AXDND1: variants seen among roughly 807,000 people sequenced by gnomAD.
AXDND1 encodes the protein axonemal dynein light chain domain-containing protein 1.
Under a neutral mutation model 137.5 loss-of-function variants are expected in AXDND1, and 110 were observed. The observed-to-expected ratio is 0.80, with a 90% CI of 0.69 to 0.94. AXDND1 has a LOEUF of 0.94. Among genes scored for constraint, AXDND1 ranks in the 40% least tolerant of loss-of-function variants. The probability of loss-of-function intolerance (pLI) is 0.00; values close to 1 mark genes in which losing one functional copy is unlikely to be tolerated. For missense variants in AXDND1, 1,191 were observed against 1,169.8 expected, an observed-to-expected ratio of 1.02 and a Z score of -0.26; for synonymous variants, 414 against 399.7, an observed-to-expected ratio of 1.04 and a Z score of -0.43.
At chr1:179,487,919 C>T (rs1483018022) in intron 18 of AXDND1, among the ~76,000 whole-genome samples, 2 of 141,970 alleles carry the variant, frequency 1.4e-5, no homozygotes, top group African/African-American at 2.8e-5. Flanking sequence ...TCTCTTGTGC[C>T]TGGGAGGTCA....
At chr1:179,389,103 A>G (rs1308906525) in intron 9 of AXDND1, among the ~76,000 whole-genome samples, 1 of 149,748 alleles carries the variant, frequency 6.7e-6, no homozygotes, top group Non-Finnish European at 1.5e-5. Flanking sequence ...CCTCCTGAGT[A>G]GCTGGGATTA....
intron 17 of AXDND1, among the ~76,000 whole-genome samples, chr1:179,477,492 AG>A (rs1664782624): frequency 1.3e-5 from 2 of 152,166 alleles, no homozygotes; most frequent in Admixed American, 1.3e-4. Flanking sequence ...GCCAAGTGAA[AG>A]GGATTTCCCC....
Position 179,509,291 on chromosome 1 carries a change from C to G in AXDND1, c.2389-5C>G. ...TTCTGCTTGTAATCTTTTATCTCTTCTCAGAAAGAATGTTATGAATGGATC... is the reference window on the plus strand; with the variant it reads ...TTCTGCTTGTAATCTTTTATCTCTTGTCAGAAAGAATGTTATGAATGGATC... On this transcript the variant is annotated splice_region_variant and splice_polypyrimidine_tract_variant and intron_variant, in intron 20 of 25. Coordinates refer to ENST00000367618, the MANE Select transcript of AXDND1 (RefSeq NM_144696.6). 6.3e-7 allele frequency: 1 copy of G among 1,589,054 alleles called. No individual in the cohort carries two copies. The highest frequency in any genetic ancestry group is 8.6e-7 in the Non-Finnish European group (1 of 1,162,434).
intron 21 of AXDND1, among the ~76,000 whole-genome samples, chr1:179,516,791 G>A (rs1669578715): frequency 6.6e-6 from 1 of 152,234 alleles, no homozygotes; most frequent in East Asian, 1.9e-4. Flanking sequence ...TCTGCACAGA[G>A]TCCTGTGATG....
intron 25 of AXDND1, among the ~76,000 whole-genome samples, chr1:179,536,161 A>C (rs1015965288): frequency 6.6e-6 from 1 of 151,864 alleles, no homozygotes; most frequent in Admixed American, 6.6e-5. Flanking sequence ...ATTTTCTCCC[A>C]ATCTGTTTAG....
In AXDND1 at chr1:179,528,366, T is replaced by G; in HGVS notation, c.2650T>G (p.Phe884Val). The change falls in exon 23 of 26, where the codon TTC (phenylalanine) becomes GTC (valine). Residue 884 changes from phenylalanine to valine, a missense_variant. Transcript: ENST00000367618. ...TACAGAGAAGGAAAAACTCATTCGA[T>G]TCATTGGAGAAGATGAAAATGTTCA... is the stretch of plus-strand genomic sequence containing the variant. The part of the protein sequence containing the change: ...TSTEKEKLIR[F>V]IGEDENVHSK... The G allele has an allele frequency of 6.2e-7, 1 of 1,613,998 alleles. No homozygotes were observed. The highest frequency in any genetic ancestry group is 8.5e-7 in the Non-Finnish European group (1 of 1,179,892).
intron 4 of AXDND1, among the ~76,000 whole-genome samples, chr1:179,376,423 A>G (rs1647277169): frequency 6.6e-6 from 1 of 152,158 alleles, no homozygotes; most frequent in African/African-American, 2.4e-5. Context: ...CGTTTGGTTG[A>G]AAAAATTCAT....
chr1:179,450,067 G>C (rs1436440590), intron 16 of AXDND1: 1 of 133,094 alleles, frequency 7.5e-6, no homozygotes, highest in Admixed American at 8.7e-5. Context: ...GCAGTGGTGC[G>C]ATCTCAGCTC....
chr1:179,507,212 C>T (rs1207450063), intron 20 of AXDND1, among the ~76,000 whole-genome samples: 1 of 152,162 alleles, frequency 6.6e-6, no homozygotes, highest in Admixed American at 6.5e-5. Flanking sequence ...TATTAATTAG[C>T]AACCAAGCTA....
intron 16 of AXDND1, among the ~76,000 whole-genome samples, chr1:179,468,242 T>G (rs1330594840): frequency 6.6e-6 from 1 of 152,212 alleles, no homozygotes; most frequent in Non-Finnish European, 1.5e-5. Context: ...TGTTAGTCAT[T>G]AAAGCACCAA....
intron 25 of AXDND1, among the ~76,000 whole-genome samples, chr1:179,548,092 G>A (rs1167583246): frequency 6.6e-6 from 1 of 152,136 alleles, no homozygotes; most frequent in African/African-American, 2.4e-5. Context: ...TTTAAAGCTG[G>A]TTCTGTCCTA....
At chr1:179,532,898 GAATA>G (rs56682509) in intron 23 of AXDND1, 83,858 of 148,048 alleles carry the variant, frequency 0.57, 24,310 homozygotes, top group East Asian at 0.86. Context: ...AAAAGAAAAA[GAATA>G]AATAAATAAA....
chr1:179,482,262 G>A (rs1308635896), intron 17 of AXDND1, among the ~76,000 whole-genome samples: 3 of 151,930 alleles, frequency 2.0e-5, no homozygotes, highest in African/African-American at 7.3e-5. Context: ...GCAGCCTGAG[G>A]TCTTCTTGGA....
At chr1:179,464,208 A>G (rs558531984) in intron 16 of AXDND1, among the ~76,000 whole-genome samples, 1 of 152,314 alleles carries the variant, frequency 6.6e-6, no homozygotes, top group African/African-American at 2.4e-5. Context: ...TCTTCCTAGC[A>G]TCAATGGTCG....
intron 9 of AXDND1, among the ~76,000 whole-genome samples, chr1:179,387,960 T>C (rs1026756281): frequency 2.0e-5 from 3 of 152,160 alleles, no homozygotes; most frequent in African/African-American, 7.2e-5. Flanking sequence ...ATAACTCTTT[T>C]CTCTCTGCTA....
At chr1:179,374,896 G>A (rs973121982) in intron 4 of AXDND1, among the ~76,000 whole-genome samples, 9 of 151,540 alleles carry the variant, frequency 5.9e-5, no homozygotes, top group Non-Finnish European at 7.4e-5. Context: ...AATGGGGGGT[G>A]CAGCACACCA....
chr1:179,402,203 C>A (rs909077919), intron 11 of AXDND1, among the ~76,000 whole-genome samples: 12 of 150,898 alleles, frequency 8.0e-5, no homozygotes, highest in Non-Finnish European at 1.6e-4. Context: ...TTGGGTATGT[C>A]TATCAGCAGC....
At chr1:179,426,999 T>C (rs1460465302) in intron 12 of AXDND1, among the ~76,000 whole-genome samples, 1 of 151,816 alleles carries the variant, frequency 6.6e-6, no homozygotes, top group African/African-American at 2.4e-5. Flanking sequence ...CCGTCTCTAC[T>C]AAAAAAATTA....
At chr1:179,551,423 G>A (rs1673258997) in intron 25 of AXDND1, 1 of 1,613,844 alleles carries the variant, frequency 6.2e-7, no homozygotes, top group Non-Finnish European at 8.5e-7. Flanking sequence ...GGACTCAGAA[G>A]CAGCCTTTTC....
Sources: allele counts gnomAD v4.1 joint callset (sites outside exome capture counted in the v4.1 genomes callset), GRCh38; gene constraint gnomAD v4.1.1; transcripts MANE v1.5; gene names NCBI Gene and HGNC (gene_info 2026-07-23, HGNC 2026-07-21).